PTPRT: variants seen among roughly 807,000 people sequenced by gnomAD.
PTPRT encodes protein tyrosine phosphatase receptor type T.
PTPRT carries 56 observed loss-of-function variants against 176.8 expected under a neutral mutation model. That is an observed-to-expected ratio of 0.32 (90% CI 0.26 to 0.40). The LOEUF (loss-of-function observed/expected upper bound fraction) is 0.40. Ranked by LOEUF, PTPRT falls within the 10% of genes least tolerant of loss-of-function variation. PTPRT has a pLI of 1.00. For missense variants in PTPRT, 1,540 were observed against 1,908.2 expected (o/e 0.81, Z 3.60); for synonymous variants, 783 against 739.0 (o/e 1.06, Z -0.96).
chr20:42,665,245 A>G (rs904538194), intron 7 of PTPRT, among the ~76,000 whole-genome samples: 1 of 152,144 alleles, frequency 6.6e-6, no homozygotes, highest in African/African-American at 2.4e-5. Context: ...ACTCAAACAA[A>G]TTTACAAGAA....
chr20:42,592,358 G>A (rs1359120006), intron 7 of PTPRT, among the ~76,000 whole-genome samples: 3 of 152,116 alleles, frequency 2.0e-5, no homozygotes, highest in Non-Finnish European at 2.9e-5. Flanking sequence ...TTCTCTGTCT[G>A]GAGGAGTTTC....
chr20:42,927,661 C>T (rs556880626), intron 1 of PTPRT, among the ~76,000 whole-genome samples: 37 of 152,226 alleles, frequency 2.4e-4, no homozygotes, highest in Non-Finnish European at 4.0e-4. Context: ...GGTAGACCCA[C>T]GCCTGCAGTC....
At chr20:42,835,238 T>C (rs1158792606) in intron 2 of PTPRT, among the ~76,000 whole-genome samples, 2 of 152,070 alleles carry the variant, frequency 1.3e-5, no homozygotes, top group Admixed American at 6.5e-5. Flanking sequence ...CACAAGGAGA[T>C]GAGATTAACA....
chr20:43,147,959 A>T (rs1271010077), intron 1 of PTPRT, among the ~76,000 whole-genome samples: 1 of 152,184 alleles, frequency 6.6e-6, no homozygotes, highest in African/African-American at 2.4e-5. Context: ...AGGTTAGAAA[A>T]CATGAATAAC....
chr20:42,086,739 A>ATATATATATATAT (rs1555858277), intron 27 of PTPRT, among the ~76,000 whole-genome samples: 1 of 65,386 alleles, frequency 1.5e-5, no homozygotes, highest in African/African-American at 7.4e-5. Flanking sequence ...AAAAAAAAAA[A>ATATATATATATAT]AAAAAAAAAA....
At chr20:42,841,654 CACACAT>C (rs772551441) in intron 2 of PTPRT, among the ~76,000 whole-genome samples, 19 of 143,788 alleles carry the variant, frequency 1.3e-4, no homozygotes, top group African/African-American at 4.5e-4. Flanking sequence ...CACACACACA[CACACAT>C]AATCTCTCTC....
chr20:42,686,506 CAG>C (rs2075696621), intron 6 of PTPRT, among the ~76,000 whole-genome samples: 2 of 88,216 alleles, frequency 2.3e-5, no homozygotes, highest in African/African-American at 4.2e-5. Context: ...TTTTTTGAGA[CAG>C]AGTCTCACTC....
chr20:42,249,501 C>T (rs1421469861), intron 13 of PTPRT, among the ~76,000 whole-genome samples: 6 of 152,208 alleles, frequency 3.9e-5, no homozygotes, highest in Non-Finnish European at 7.3e-5. Context: ...ACTATACATC[C>T]TTAGCCCTAT....
At chr20:42,098,735 A>G (rs6029973) in intron 26 of PTPRT, among the ~76,000 whole-genome samples, 183 bp from the exon 27 acceptor site, 1 of 152,248 alleles carries the variant, frequency 6.6e-6, no homozygotes, top group African/African-American at 2.4e-5. Context: ...AATGAACACA[A>G]TCTCCTCCAA....
chr20:42,143,227 G>C (rs1386047247), intron 17 of PTPRT, among the ~76,000 whole-genome samples: 1 of 152,198 alleles, frequency 6.6e-6, no homozygotes, highest in Non-Finnish European at 1.5e-5. Flanking sequence ...CAGGCTCTGG[G>C]AGGGGCATGG....
rs116651209 is a variant in PTPRT at position 42,982,452 on chromosome 20, T to A, written c.89-96520A>T. Among the ~76,000 whole-genome samples the A allele has an allele frequency of 1.3e-3, 205 of 152,106 alleles. 1 individual carries two copies. The highest frequency in any genetic ancestry group is 4.8e-3 in the African/African-American group (200 of 41,490). On this transcript the variant is annotated intron_variant, in intron 1 of 30. Transcript: ENST00000373187. ...TGAGCACGGGACCATGAACACCCAC[T>A]CAGCAAGGAGGGAAGGGAAGGCCTC... is the stretch of plus-strand genomic sequence containing the variant.
rs141055036 is a variant in PTPRT at position 42,515,063 on chromosome 20, G to A, written c.1154-42501C>T. ...GGGGGTTTTATCTTAATTGCCATCG[G>A]ATCTATAGATTAGCTTGAGAATAAT... On this transcript the variant is annotated intron_variant, in intron 7 of 30. Coordinates refer to ENST00000373187, the MANE Select transcript of PTPRT (RefSeq NM_007050.6). Among the ~76,000 whole-genome samples the A allele has an allele frequency of 2.9e-3, 440 of 152,246 alleles. 1 individual carries two copies. The highest frequency in any genetic ancestry group is 8.7e-3 in the South Asian group (42 of 4,818).
At chr20:43,091,665 C>T (rs2011878559) in intron 1 of PTPRT, among the ~76,000 whole-genome samples, 1 of 151,868 alleles carries the variant, frequency 6.6e-6, no homozygotes, top group Non-Finnish European at 1.5e-5. Flanking sequence ...TAGGAATAGA[C>T]TGAGACAAAA....
intron 7 of PTPRT, among the ~76,000 whole-genome samples, chr20:42,515,261 G>T (rs2072039313): frequency 1.3e-5 from 2 of 152,312 alleles, no homozygotes; most frequent in South Asian, 4.1e-4. Flanking sequence ...GAGGCAGGCG[G>T]ATCACAAGGT....
intron 15 of PTPRT, among the ~76,000 whole-genome samples, chr20:42,230,573 T>G (rs925357823): frequency 4.6e-5 from 7 of 152,202 alleles, no homozygotes; most frequent in African/African-American, 1.7e-4. Flanking sequence ...ATGTGAGGAA[T>G]AGTAGCTGCT....
intron 7 of PTPRT, among the ~76,000 whole-genome samples, chr20:42,565,477 A>G (rs1404933960): frequency 6.6e-6 from 1 of 151,940 alleles, no homozygotes; most frequent in Non-Finnish European, 1.5e-5. Context: ...CCCAGCTGTG[A>G]CTGAGCCTCT....
chr20:42,276,177 G>T (rs2057026243), intron 13 of PTPRT, among the ~76,000 whole-genome samples: 1 of 151,942 alleles, frequency 6.6e-6, no homozygotes, highest in Admixed American at 6.6e-5. Flanking sequence ...CTAGAAAAGG[G>T]ATGACCACAA....
rs1377729918 is a variant in PTPRT, at chr20:43,188,758, G to GA, written c.88+887_88+888insT. Among the ~76,000 whole-genome samples, 36 of 149,674 alleles carry GA rather than the reference G, an allele frequency of 2.4e-4. No individual in the cohort carries two copies. The East Asian group carries it at 7.1e-3, about 29-fold the overall frequency. Reference sequence around the variant, plus strand: ...CCTCCGCCGCTACTCTTGGGGGGGGGGGGGCTCGGGGGTGGAAGCTGCCTG... The same window carrying GA: ...CCTCCGCCGCTACTCTTGGGGGGGGGAGGGGCTCGGGGGTGGAAGCTGCCTG... On this transcript the variant is annotated intron_variant, in intron 1 of 30. Transcript: ENST00000373187.
chr20:43,163,351 A>T (rs942089515), intron 1 of PTPRT, among the ~76,000 whole-genome samples: 4 of 152,154 alleles, frequency 2.6e-5, no homozygotes, highest in African/African-American at 9.7e-5. Flanking sequence ...AGTAAAGAAC[A>T]GGCTGGGCCA....
Sources: gnomAD v4.1 joint callset for allele counts (sites outside exome capture counted in the v4.1 genomes callset) on GRCh38, gnomAD v4.1.1 for gene constraint, MANE v1.5 for transcripts, NCBI Gene and HGNC (gene_info 2026-07-23, HGNC 2026-07-21) for gene names.